Variants in TMPRSS11E observed in about 807,000 individuals in gnomAD.
TMPRSS11E encodes transmembrane protease serine 11E.
A neutral mutation model predicts 48.1 loss-of-function variants in TMPRSS11E; 38 were observed. That is an observed-to-expected ratio of 0.79 (90% CI 0.61 to 1.04). The LOEUF (loss-of-function observed/expected upper bound fraction) is 1.04, where lower values mean the gene tolerates loss of function less well. Among genes scored for constraint, TMPRSS11E ranks in the 50% least tolerant of loss-of-function variants. The pLI is 0.00. For missense variants in TMPRSS11E, 530 were observed against 510.8 expected (o/e 1.04, Z -0.36); for synonymous variants, 158 against 171.9 (o/e 0.92, Z 0.63).
At chr4:68,466,194 G>A (rs920662891) in intron 2 of TMPRSS11E, among the ~76,000 whole-genome samples, 2 of 152,140 alleles carry the variant, frequency 1.3e-5, no homozygotes, top group Admixed American at 6.5e-5. Context: ...GAGTTCTTGC[G>A]GCCAGAATTG....
At chr4:68,482,035 C>T (rs1252314374) in intron 9 of TMPRSS11E, among the ~76,000 whole-genome samples, 1 of 152,136 alleles carries the variant, frequency 6.6e-6, no homozygotes, top group East Asian at 1.9e-4. Flanking sequence ...TATGATTCTG[C>T]AGGCTTTATG....
chr4:68,494,113 G>T (rs1729805724), intron 9 of TMPRSS11E, among the ~76,000 whole-genome samples: 1 of 115,406 alleles, frequency 8.7e-6, no homozygotes. Flanking sequence ...GTTTTTATCT[G>T]CTGTCTATAT....
intron 9 of TMPRSS11E, among the ~76,000 whole-genome samples, chr4:68,479,303 C>T (rs978647301): frequency 1.3e-5 from 2 of 152,052 alleles, no homozygotes; most frequent in Non-Finnish European, 2.9e-5. Context: ...CCTACTATCC[C>T]TAACATCTGG....
intron 1 of TMPRSS11E, among the ~76,000 whole-genome samples, chr4:68,461,098 G>A (rs895534725): frequency 6.6e-6 from 1 of 152,000 alleles, no homozygotes; most frequent in Non-Finnish European, 1.5e-5. Flanking sequence ...AGCCAGGATG[G>A]TCTTGATCTC....
chr4:68,475,568 A>G (rs972170078), intron 6 of TMPRSS11E, among the ~76,000 whole-genome samples: 1 of 152,194 alleles, frequency 6.6e-6, no homozygotes, highest in African/African-American at 2.4e-5. Context: ...GTGTTAGACA[A>G]CAGGCATTCC....
In TMPRSS11E at chr4:68,461,880, T is replaced by A; in HGVS notation, c.71T>A (p.Val24Asp). The A allele has an allele frequency of 6.2e-7, 1 of 1,614,214 alleles. No individual in the cohort carries two copies. Among genetic ancestry groups the A allele is most frequent in the East Asian group, 2.2e-5 (1 of 44,884 alleles). The change falls in exon 2 of 10, where the codon GTC becomes GAC. Residue 24 changes from valine (V) to aspartate (D), a missense_variant. Val to Asp is a radical substitution (Grantham distance 152). Transcript: ENST00000305363. ...TGGGAACCCTGGGTTATCGGCCTCG[T>A]CATCTTCATATCCCTGATTGTCCTG... ...VCWEPWVIGL[V>D]IFISLIVLAV...
intron 1 of TMPRSS11E, among the ~76,000 whole-genome samples, chr4:68,450,658 G>A (rs143893291): frequency 0.012 from 1,881 of 152,008 alleles, 32 homozygotes; most frequent in African/African-American, 0.036. Flanking sequence ...GCTGAGGAAA[G>A]AAGTGTGGAG....
chr4:68,490,751 C>CTTTTTTTTT lies in TMPRSS11E; in HGVS notation c.1111-5874_1111-5866dup, dbSNP rs1158277585. 1.6e-4 allele frequency among the ~76,000 whole-genome samples: 11 copies of CTTTTTTTTT among 69,328 alleles called. 2 individuals carry two copies. The highest frequency in any genetic ancestry group is 2.5e-4 in the Non-Finnish European group (10 of 40,162). The allele number at this position is 69,328 out of a possible 152,430, so 45.5% of individuals were successfully genotyped here. A position where few individuals can be genotyped will look rare whatever the true frequency, so the allele number is the denominator to read the frequency against. ...GTTCATGCTTCCCACTCAGCATATT[C>CTTTTTTTTT]TTTTTTTTTTTTTTTTTTTTTTTTT... On this transcript the variant is annotated intron_variant, in intron 9 of 9. Coordinates refer to ENST00000305363, the MANE Select transcript of TMPRSS11E (RefSeq NM_014058.4).
intron 9 of TMPRSS11E, among the ~76,000 whole-genome samples, chr4:68,484,604 G>A (rs1729500684): frequency 6.6e-6 from 1 of 152,062 alleles, no homozygotes. Context: ...CACTGTACCT[G>A]GCCTTCAACT....
At chr4:68,462,414 T>TAA (rs34825904) in intron 2 of TMPRSS11E, among the ~76,000 whole-genome samples, 11 of 120,866 alleles carry the variant, frequency 9.1e-5, no homozygotes, top group Non-Finnish European at 1.2e-4. Flanking sequence ...CCGTGTCTAC[T>TAA]AAAAAAAAAA....
intron 9 of TMPRSS11E, among the ~76,000 whole-genome samples, chr4:68,486,058 G>T (rs2109713182): frequency 6.6e-6 from 1 of 152,038 alleles, no homozygotes; most frequent in Non-Finnish European, 1.5e-5. Flanking sequence ...TGCTAGCAGT[G>T]TATCAATCTT....
chr4:68,477,485 A>G lies in TMPRSS11E; in HGVS notation c.824A>G (p.Asp275Gly). ...VHEKYKHPSH[D>G]YDISLAELSS... The stretch of plus-strand genomic sequence containing the variant: ...GAAAAATACAAACACCCATCACATG[A>G]CTATGATATTTCTCTTGCAGAGCTT... The change falls in exon 8 of 10, where the codon GAC becomes GGC. Residue 275 changes from aspartate to glycine, a missense_variant. Asp to Gly is a moderately conservative substitution (Grantham distance 94). Coordinates refer to ENST00000305363, the MANE Select transcript of TMPRSS11E (RefSeq NM_014058.4). 2 of 1,614,074 alleles carry G rather than the reference A, an allele frequency of 1.2e-6. No individual in the cohort carries two copies. The highest frequency in any genetic ancestry group is 1.7e-6 in the Non-Finnish European group (2 of 1,179,994).
chr4:68,474,688 G>A (rs768767120), intron 5 of TMPRSS11E, 35 bp from the exon 6 acceptor site: 20 of 1,602,274 alleles, frequency 1.2e-5, no homozygotes, highest in South Asian at 1.1e-4. Context: ...TAACTCTGAT[G>A]TGCTGACCCT....
chr4:68,467,703 G>A (rs1471353644), intron 3 of TMPRSS11E, among the ~76,000 whole-genome samples: 1 of 152,204 alleles, frequency 6.6e-6, no homozygotes, highest in Non-Finnish European at 1.5e-5. Flanking sequence ...ACAGAAGCCT[G>A]GGGATTTGGC....
chr4:68,460,451 T>C (rs1169103587), intron 1 of TMPRSS11E, among the ~76,000 whole-genome samples: 2 of 152,122 alleles, frequency 1.3e-5, no homozygotes, highest in African/African-American at 4.8e-5. Context: ...TACTGATATA[T>C]GGGGAAATTG....
chr4:68,477,389 G>A lies in TMPRSS11E; in HGVS notation c.728G>A (p.Trp243Ter), dbSNP rs866714445. 1 of 1,613,732 alleles carries A rather than the reference G, an allele frequency of 6.2e-7. No individual in the cohort carries two copies. The highest frequency in any genetic ancestry group is 1.1e-5 in the South Asian group (1 of 91,000). The part of the protein sequence containing the change: ...CFTTYKNPAR[W>*]TASFGVTIKP... The stretch of plus-strand genomic sequence containing the variant: ...CCCAGATATAAGAACCCTGCCAGAT[G>A]GACTGCTTCCTTTGGAGTAACAATA... Residue 243 changes from tryptophan (W) to a stop codon, truncating the protein, a stop_gained, in exon 8 of 10, where the codon TGG becomes TAG. Coordinates refer to ENST00000305363, the MANE Select transcript of TMPRSS11E (RefSeq NM_014058.4). LOFTEE classifies it high-confidence loss of function.
At chr4:68,476,694 A>C (rs181565327) in intron 7 of TMPRSS11E, among the ~76,000 whole-genome samples, 41 of 152,320 alleles carry the variant, frequency 2.7e-4, no homozygotes, top group African/African-American at 9.1e-4. Context: ...AGGAATTTTA[A>C]AGTCATTTTT....
chr4:68,463,850 C>T (rs1195911218), intron 2 of TMPRSS11E, among the ~76,000 whole-genome samples: 1 of 152,084 alleles, frequency 6.6e-6, no homozygotes, highest in East Asian at 1.9e-4. Flanking sequence ...TTTTCTTGGG[C>T]CATACTTCGG....
intron 1 of TMPRSS11E, among the ~76,000 whole-genome samples, chr4:68,459,126 C>A (rs903329349): frequency 6.6e-6 from 1 of 152,090 alleles, no homozygotes; most frequent in African/African-American, 2.4e-5. Flanking sequence ...GTATTTTTGA[C>A]TGGATTCTCT....
Sources: gnomAD v4.1 joint callset for allele counts (sites outside exome capture counted in the v4.1 genomes callset) on GRCh38, gnomAD v4.1.1 for gene constraint, MANE v1.5 for transcripts, NCBI Gene and HGNC (gene_info 2026-07-23, HGNC 2026-07-21) for gene names.